The following TCF4 variants were observed in gnomAD, a reference collection of about 807,000 sequenced individuals.
The protein encoded by TCF4 is SL3-3 enhancer factor 2.
In TCF4, 3 loss-of-function variants were observed where a neutral mutation model predicts 82.1. That is an observed-to-expected ratio of 0.04 (90% CI 0.02 to 0.09). TCF4 has a LOEUF of 0.09. TCF4 is among the 10% of genes least tolerant of loss of function. The pLI is 1.00. For missense variants in TCF4, 518 were observed against 852.7 expected, an observed-to-expected ratio of 0.61 and a Z score of 4.89; for synonymous variants, 276 against 309.6, an observed-to-expected ratio of 0.89 and a Z score of 1.14.
intron 6 of TCF4, among the ~76,000 whole-genome samples, chr18:55,378,297 A>G (rs575931136): frequency 2.0e-5 from 3 of 152,326 alleles, no homozygotes; most frequent in African/African-American, 7.2e-5. Flanking sequence ...TAAAAATAAT[A>G]TTAGACAACA....
chr18:55,511,757 G>C (rs952206217), intron 3 of TCF4, among the ~76,000 whole-genome samples: 5 of 151,948 alleles, frequency 3.3e-5, no homozygotes, highest in African/African-American at 1.2e-4. Flanking sequence ...ATGACATAAA[G>C]GGAGAAAATT....
At chr18:55,250,201 T>G (rs994133310) in intron 15 of TCF4, among the ~76,000 whole-genome samples, 1 of 152,152 alleles carries the variant, frequency 6.6e-6, no homozygotes, top group African/African-American at 2.4e-5. Flanking sequence ...TCAAGGACCC[T>G]GGTAGGGAGA....
intron 3 of TCF4, among the ~76,000 whole-genome samples, chr18:55,471,358 C>A (rs182359897): frequency 6.6e-6 from 1 of 152,286 alleles, no homozygotes; most frequent in East Asian, 1.9e-4. Context: ...CTTCCCAAAT[C>A]TGACTAAGCA....
chr18:55,289,114 A>C (rs1227415769), intron 8 of TCF4, among the ~76,000 whole-genome samples: 2 of 152,224 alleles, frequency 1.3e-5, no homozygotes, highest in Non-Finnish European at 2.9e-5. Context: ...CCTAGCTGAG[A>C]GTGCCTTAAA....
At chr18:55,513,253 G>A (rs1474197469) in intron 3 of TCF4, among the ~76,000 whole-genome samples, 1 of 152,050 alleles carries the variant, frequency 6.6e-6, no homozygotes, top group Non-Finnish European at 1.5e-5. Flanking sequence ...AATTCCCATG[G>A]GTTCTTTATT....
At chr18:55,403,639 G>T in intron 5 of TCF4, 121 bp from the exon 6 acceptor site, 2 of 1,599,928 alleles carry the variant, frequency 1.3e-6, no homozygotes, top group Non-Finnish European at 8.5e-7. Flanking sequence ...GGCACTACTG[G>T]CAATGTATGC....
intron 3 of TCF4, among the ~76,000 whole-genome samples, chr18:55,476,330 CTG>C (rs1422400955): frequency 2.0e-5 from 3 of 152,152 alleles, no homozygotes; most frequent in Admixed American, 1.3e-4. Flanking sequence ...CCAAAAAAGA[CTG>C]TGAGAGGAAC....
In TCF4 at chr18:55,232,650, C is replaced by T; in HGVS notation, c.1508G>A (p.Gly503Glu). 1.2e-6 allele frequency: 2 copies of T among 1,614,134 alleles called. No individual in the cohort carries two copies. The highest frequency in any genetic ancestry group is 1.7e-6 in the Non-Finnish European group (2 of 1,180,014). ...AGAGCTGCCAGAGGAGACACTCTGCCCCTGTAGTCCTGGTGGCATGCCTGC... is the reference window on the plus strand; with the variant it reads ...AGAGCTGCCAGAGGAGACACTCTGCTCCTGTAGTCCTGGTGGCATGCCTGC... ...PYRGMPPGLQ[G>E]QSVSSGSSEI... The change falls in exon 17 of 20, where the codon GGG (glycine) becomes GAG (glutamate). Residue 503 changes from glycine (G) to glutamate (E), a missense_variant. Physicochemically the swap from Gly to Glu is moderately conservative, Grantham distance 98. Coordinates refer to ENST00000354452, the MANE Select transcript of TCF4 (RefSeq NM_001083962.2).
chr18:55,401,547 C>T (rs2093819933), intron 6 of TCF4: 25 of 989,098 alleles, frequency 2.5e-5, no homozygotes, highest in Non-Finnish European at 2.9e-5. Context: ...CCATCCACCT[C>T]TCTTCCACCC....
chr18:55,330,176 A>ATTTTTTTTTTTTTTTTTTTTTTTTT (rs3077897), intron 8 of TCF4, among the ~76,000 whole-genome samples: 2 of 110,478 alleles, frequency 1.8e-5, no homozygotes, highest in Non-Finnish European at 1.8e-5. Context: ...GCAATGTTGG[A>ATTTTTTTTTTTTTTTTTTTTTTTTT]TTTTTTTTTT....
chr18:55,629,407 A>G (rs879935147), intron 2 of TCF4, among the ~76,000 whole-genome samples: 23 of 152,212 alleles, frequency 1.5e-4, no homozygotes, highest in Admixed American at 1.2e-3. Context: ...TGCAGTGTAA[A>G]TCATGCTCCA....
intron 3 of TCF4, among the ~76,000 whole-genome samples, chr18:55,520,407 G>C (rs1281574179): frequency 6.6e-6 from 1 of 152,036 alleles, no homozygotes; most frequent in Non-Finnish European, 1.5e-5. Flanking sequence ...CATATATATG[G>C]CATGTGCACA....
rs751932079 is a variant in TCF4 at position 55,511,330 on chromosome 18, T to TAAAAAAAAAAAAA, written c.146-47194_146-47193insTTTTTTTTTTTTT. 2.7e-5 allele frequency among the ~76,000 whole-genome samples: 2 copies of TAAAAAAAAAAAAA among 73,076 alleles called. 1 individual carries two copies. The highest frequency in any genetic ancestry group is 6.6e-5 in the Non-Finnish European group (2 of 30,170). The allele number at this position is 73,076 out of a possible 152,430, so 47.9% of individuals were successfully genotyped here. A position where few individuals can be genotyped will look rare whatever the true frequency, so the allele number is the denominator to read the frequency against. ...TAGGTAATAGAGTAATTCCAAAAGT[T>TAAAAAAAAAAAAA]TAAAAAAAAAAAAAAAAAAAGCATT... is the stretch of plus-strand genomic sequence containing the variant. On this transcript the variant is annotated intron_variant, in intron 3 of 19. Transcript: ENST00000354452.
intron 6 of TCF4, chr18:55,401,835 A>G: frequency 1.0e-6 from 1 of 960,782 alleles, no homozygotes; most frequent in Non-Finnish European, 1.2e-6. Flanking sequence ...GACCAGAAAA[A>G]GGGGCCCAGC....
At chr18:55,569,106 A>G (rs910568809) in intron 3 of TCF4, among the ~76,000 whole-genome samples, 2 of 152,184 alleles carry the variant, frequency 1.3e-5, no homozygotes, top group Non-Finnish European at 2.9e-5. Flanking sequence ...GTATCTATCA[A>G]CATCAACATC....
At chr18:55,376,932 G>C (rs1019691232) in intron 6 of TCF4, among the ~76,000 whole-genome samples, 2 of 152,166 alleles carry the variant, frequency 1.3e-5, no homozygotes, top group East Asian at 3.8e-4. Flanking sequence ...ATTTCAGCAG[G>C]AACTTGCTAT....
rs1025114481 is a variant in TCF4, at chr18:55,464,972, A to G, written c.146-835T>C. 6.6e-5 allele frequency among the ~76,000 whole-genome samples: 10 copies of G among 152,224 alleles called. No individual in the cohort carries two copies. The South Asian group carries it at 2.1e-3, about 31-fold the overall frequency. ...GCAAATACGCAGGATGGAAAGTCTAACAGCTAAGTTACCATATTAATTGCT... is the reference window on the plus strand; with the variant it reads ...GCAAATACGCAGGATGGAAAGTCTAGCAGCTAAGTTACCATATTAATTGCT... On this transcript the variant is annotated intron_variant, in intron 3 of 19. Transcript: ENST00000354452.
At position 55,365,156 on chromosome 18, in the gene TCF4, AATATATATATAT is replaced by A. The variant is rs139574594; in HGVS notation, c.370-14165_370-14154del. On this transcript the variant is annotated intron_variant, in intron 6 of 19. Coordinates refer to ENST00000354452, the MANE Select transcript of TCF4 (RefSeq NM_001083962.2). The stretch of plus-strand genomic sequence containing the variant: ...CAACAGTGTGAGACTCCATCTCCAA[AATATATATATAT>A]ATATATATATATATATATATATATG... Among the ~76,000 whole-genome samples the A allele has an allele frequency of 5.8e-3, 483 of 83,508 alleles. 6 individuals carry two copies. Among genetic ancestry groups the A allele is most frequent in the Non-Finnish European group, 7.9e-3 (356 of 44,980 alleles). The allele number at this position is 83,508 out of a possible 152,430, so 54.8% of individuals were successfully genotyped here. A position where few individuals can be genotyped will look rare whatever the true frequency, so the allele number is the denominator to read the frequency against.
At chr18:55,544,592 C>T (rs2097190033) in intron 3 of TCF4, among the ~76,000 whole-genome samples, 1 of 152,094 alleles carries the variant, frequency 6.6e-6, no homozygotes, top group African/African-American at 2.4e-5. Flanking sequence ...GTCTTCGTGG[C>T]CTCATTGTAA....
Sources: allele counts gnomAD v4.1 joint callset (sites outside exome capture counted in the v4.1 genomes callset), GRCh38; gene constraint gnomAD v4.1.1; transcripts MANE v1.5; gene names NCBI Gene and HGNC (gene_info 2026-07-23, HGNC 2026-07-21).